AFAP1: variants seen among roughly 807,000 people sequenced by gnomAD.
AFAP1 encodes the protein actin filament-associated protein 1.
Under a neutral mutation model 93.9 loss-of-function variants are expected in AFAP1, and 75 were observed. The ratio of observed to expected loss-of-function variants is 0.80; its 90% confidence interval spans 0.66 to 0.97. The LOEUF (loss-of-function observed/expected upper bound fraction) is 0.97, where lower values mean the gene tolerates loss of function less well. Among genes scored for constraint, AFAP1 ranks in the 50% least tolerant of loss-of-function variants. The pLI, the probability that AFAP1 is intolerant of heterozygous loss-of-function variation, is 0.00. For synonymous variants in AFAP1, 517 were observed against 430.7 expected (o/e 1.20, Z -2.48); for missense variants, 1,201 against 1,050.8 (o/e 1.14, Z -1.98).
Position 7,842,101 on chromosome 4 carries a change from C to CT in AFAP1, c.546+1037dup, listed in dbSNP as rs577415540. Reference sequence around the variant, plus strand: ...TGGAAATAAGGACCACATTAATCTTCTTTTTTTCATTTTTTAATATTCCCC... The same window carrying CT: ...TGGAAATAAGGACCACATTAATCTTCTTTTTTTTCATTTTTTAATATTCCCC... On this transcript the variant is annotated intron_variant, in intron 5 of 17. Transcript: ENST00000420658. 8.7e-4 allele frequency among the ~76,000 whole-genome samples: 133 copies of CT among 152,170 alleles called. 1 individual carries two copies. The highest frequency in any genetic ancestry group is 3.0e-3 in the African/African-American group (124 of 41,522).
Position 7,897,090 on chromosome 4 carries a change from G to C in AFAP1, c.-2-25010C>G, listed in dbSNP as rs571483055. Among the ~76,000 whole-genome samples, 6 of 152,168 alleles carry C rather than the reference G, an allele frequency of 3.9e-5. No individual in the cohort carries two copies. In the East Asian group the frequency reaches 1.2e-3, roughly 30 times the overall value. ...CCAAGGTGATTTCCTCCAATCCCATGATGTTTATCTTCAGTTTGGCCCTCT... is the reference window on the plus strand; with the variant it reads ...CCAAGGTGATTTCCTCCAATCCCATCATGTTTATCTTCAGTTTGGCCCTCT... On this transcript the variant is annotated intron_variant, in intron 1 of 17. Transcript: ENST00000420658.
Position 7,917,067 on chromosome 4 carries a change from A to C in AFAP1, c.-3+22589T>G, listed in dbSNP as rs1720121931. Reference sequence around the variant, plus strand: ...AAGCAGCTTTGCTTCTCTCTACTGCAATTCTATCATTTGCAAAATGTTAAC... The same window carrying C: ...AAGCAGCTTTGCTTCTCTCTACTGCCATTCTATCATTTGCAAAATGTTAAC... On this transcript the variant is annotated intron_variant, in intron 1 of 17. Transcript: ENST00000420658. Among the ~76,000 whole-genome samples the C allele has an allele frequency of 3.9e-5, 6 of 152,220 alleles. No individual in the cohort carries two copies. In the South Asian group the frequency reaches 1.2e-3, roughly 31 times the overall value.
rs1553844322 is a variant in AFAP1, at chr4:7,840,265, T to TGTGTGTGC, written c.547-1563_547-1562insGCACACAC. On this transcript the variant is annotated intron_variant, in intron 5 of 17. Transcript: ENST00000420658. ...TCCTTTCTGGTTTGTTTTTGGGATG[T>TGTGTGTGC]GTGTGTGTGTGTGTGTGTGTGTTCC... Among the ~76,000 whole-genome samples, 64 of 70,004 alleles carry TGTGTGTGC rather than the reference T, an allele frequency of 9.1e-4. No homozygotes were observed. In the South Asian group the frequency reaches 0.033, roughly 37 times the overall value. 45.9% of individuals were successfully genotyped at this position (70,004 alleles called of 152,430 possible).
chr4:7,769,755 G>A (rs1182229248), intron 16 of AFAP1, among the ~76,000 whole-genome samples: 1 of 152,158 alleles, frequency 6.6e-6, no homozygotes, highest in Non-Finnish European at 1.5e-5. Flanking sequence ...AAAAAATATT[G>A]CTCAGGGTAT....
At chr4:7,892,258 C>T (rs1718515255) in intron 1 of AFAP1, among the ~76,000 whole-genome samples, 1 of 152,154 alleles carries the variant, frequency 6.6e-6, no homozygotes, top group South Asian at 2.1e-4. Flanking sequence ...AAGAACTACA[C>T]AGGCCTCTCG....
At chr4:7,809,358 C>T (rs1719811068) in intron 9 of AFAP1, 2 of 282,304 alleles carry the variant, frequency 7.1e-6, no homozygotes, top group Non-Finnish European at 1.3e-5. Context: ...GGGGGAACTT[C>T]AGAGGATTAA....
rs1263612955 is a variant in AFAP1 at position 7,868,549 on chromosome 4, A to G, written c.225+73T>C. On this transcript the variant is annotated intron_variant, in intron 3 of 17. Coordinates refer to ENST00000420658, the MANE Select transcript of AFAP1 (RefSeq NM_001134647.2). ...CATTCTTCCACACCGGGCTTCCATC[A>G]CAGGCCCCTGGAGCCCGTAAGTACC... 8 of 1,355,958 alleles carry G rather than the reference A, an allele frequency of 5.9e-6. No individual in the cohort carries two copies. In the East Asian group the frequency reaches 1.7e-4, roughly 28 times the overall value. The allele number at this position is 1,355,958 out of a possible 1,614,324, so 84.0% of individuals were successfully genotyped here.
At chr4:7,808,234 C>T (rs1338523883) in intron 9 of AFAP1, among the ~76,000 whole-genome samples, 4 of 152,146 alleles carry the variant, frequency 2.6e-5, no homozygotes, top group Non-Finnish European at 4.4e-5. Flanking sequence ...AAGAGCTGCA[C>T]GGTTCTTCTG....
intron 1 of AFAP1, among the ~76,000 whole-genome samples, chr4:7,925,343 CAT>C (rs1448023263): frequency 3.9e-5 from 6 of 152,178 alleles, no homozygotes; most frequent in Non-Finnish European, 8.8e-5. Context: ...GAAGGAACCA[CAT>C]GTTATGGAAA....
intron 2 of AFAP1, among the ~76,000 whole-genome samples, chr4:7,871,363 T>C (rs1302688722): frequency 6.6e-6 from 1 of 152,200 alleles, no homozygotes; most frequent in East Asian, 1.9e-4. Context: ...GCTGAAACCC[T>C]GCCTGTCCTG....
chr4:7,859,854 T>C (rs564971667), intron 3 of AFAP1, among the ~76,000 whole-genome samples: 2 of 152,224 alleles, frequency 1.3e-5, no homozygotes, highest in African/African-American at 4.8e-5. Context: ...AGTGAATTCT[T>C]TAAACAAAAA....
rs919060798 is a variant in AFAP1 at position 7,800,540 on chromosome 4, T to C, written c.1168A>G (p.Ile390Val). 5.0e-6 allele frequency: 8 copies of C among 1,614,098 alleles called. No individual in the cohort carries two copies. The highest frequency in any genetic ancestry group is 4.4e-5 in the South Asian group (4 of 91,090). Residue 390 changes from isoleucine (I) to valine (V), a missense_variant, in exon 10 of 18, where the codon ATT becomes GTT. Coordinates refer to ENST00000420658, the MANE Select transcript of AFAP1 (RefSeq NM_001134647.2). ...ATCACCTCGCAGCCACGGAGCGGAA[T>C]AGACACAATATGGGTCTTCAGGTCG... ...RTDLKTHIVSIPLRGCEVIPG... is the reference protein window; with the variant it reads ...RTDLKTHIVSVPLRGCEVIPG...
chr4:7,899,507 A>G (rs1294829134), intron 1 of AFAP1, among the ~76,000 whole-genome samples: 1 of 152,226 alleles, frequency 6.6e-6, no homozygotes, highest in Non-Finnish European at 1.5e-5. Flanking sequence ...CAGACCTCAA[A>G]AACTTCTTTA....
chr4:7,843,454 A>G, intron 4 of AFAP1, 104 bp from the exon 5 acceptor site: 1 of 1,058,318 alleles, frequency 9.4e-7, no homozygotes. Context: ...AAGTAACTGA[A>G]TGAGAAAGGG....
intron 3 of AFAP1, among the ~76,000 whole-genome samples, chr4:7,867,526 T>C (rs921599631): frequency 6.6e-6 from 1 of 152,174 alleles, no homozygotes; most frequent in Non-Finnish European, 1.5e-5. Context: ...TTGCATCTGA[T>C]TTGCTGCCAC....
At chr4:7,906,631 A>T (rs1485723914) in intron 1 of AFAP1, among the ~76,000 whole-genome samples, 1 of 152,216 alleles carries the variant, frequency 6.6e-6, no homozygotes, top group Non-Finnish European at 1.5e-5. Context: ...GCTTTTTCAG[A>T]TGGGCTTGAA....
chr4:7,866,397 T>C (rs1427776686), intron 3 of AFAP1, among the ~76,000 whole-genome samples: 1 of 152,098 alleles, frequency 6.6e-6, no homozygotes, highest in African/African-American at 2.4e-5. Flanking sequence ...GGTTTCGCTA[T>C]GTTGCCCAGG....
intron 3 of AFAP1, among the ~76,000 whole-genome samples, chr4:7,863,751 A>AT (rs1488820840): frequency 1.3e-5 from 2 of 152,210 alleles, no homozygotes; most frequent in Middle Eastern, 3.2e-3. Context: ...ACTAAAAAGG[A>AT]TAAAAAAGTA....
intron 16 of AFAP1, among the ~76,000 whole-genome samples, chr4:7,771,526 G>T (rs10937858): frequency 0.14 from 21,706 of 152,210 alleles, 1,569 homozygotes; most frequent in Middle Eastern, 0.19. Flanking sequence ...ATGAATGAAT[G>T]CATGTGTATG....
Sources: allele counts gnomAD v4.1 joint callset (sites outside exome capture counted in the v4.1 genomes callset), GRCh38; gene constraint gnomAD v4.1.1; transcripts MANE v1.5; gene names NCBI Gene and HGNC (gene_info 2026-07-23, HGNC 2026-07-21).